SPRED1: variants seen among roughly 807,000 people sequenced by gnomAD.
SPRED1 encodes the protein sprouty related EVH1 domain containing 1.
SPRED1 carries 18 observed loss-of-function variants against 52.3 expected under a neutral mutation model. That is an observed-to-expected ratio of 0.34 (90% confidence interval 0.24 to 0.51). The LOEUF is 0.51. Ranked by LOEUF, SPRED1 falls within the 20% of genes least tolerant of loss-of-function variation. The pLI is 0.97. For synonymous variants in SPRED1, 155 were observed against 179.7 expected (o/e 0.86, Z 1.10); for missense variants, 485 against 551.0 (o/e 0.88, Z 1.20).
chr15:38,333,311 T>G (rs577363418), intron 4 of SPRED1, among the ~76,000 whole-genome samples: 1 of 152,224 alleles, frequency 6.6e-6, no homozygotes, highest in South Asian at 2.1e-4. Context: ...AGCATGTCAT[T>G]GTTGGGCAGA....
rs1264038372 is a variant in SPRED1 at position 38,355,813 on chromosome 15, TAAA to T, written c.*4153_*4155del. The T allele has an allele frequency of 6.6e-6, 1 of 152,098 alleles. No individual in the cohort carries two copies. The highest frequency in any genetic ancestry group is 2.4e-5 in the African/African-American group (1 of 41,418). 9.4% of individuals were successfully genotyped at this position (152,098 alleles called of 1,614,324 possible). ...CTAGAAACTGGCATTATTGTTGCAC[TAAA>T]AAAGTCTATAAATCATAATAGCACC... On this transcript the variant is annotated 3_prime_UTR_variant, in exon 7 of 7. Coordinates refer to ENST00000299084, the MANE Select transcript of SPRED1 (RefSeq NM_152594.3).
intron 2 of SPRED1, among the ~76,000 whole-genome samples, chr15:38,320,490 T>G (rs925723904): frequency 4.6e-5 from 7 of 152,104 alleles, no homozygotes; most frequent in African/African-American, 1.7e-4. Flanking sequence ...AGTTGCTATT[T>G]TTTTTTAAGA....
At chr15:38,286,541 G>A (rs8026186) in intron 1 of SPRED1, among the ~76,000 whole-genome samples, 1 of 149,118 alleles carries the variant, frequency 6.7e-6, no homozygotes, top group Non-Finnish European at 1.5e-5. Flanking sequence ...ATTACTTATG[G>A]CTTTTTTTTT....
At chr15:38,348,806 T>C (rs1011497189) in intron 5 of SPRED1, among the ~76,000 whole-genome samples, 20 of 152,162 alleles carry the variant, frequency 1.3e-4, no homozygotes, top group Non-Finnish European at 2.1e-4. Context: ...AACATTGATA[T>C]ATTCTAGCTA....
At chr15:38,283,504 G>A (rs1894737893) in intron 1 of SPRED1, 1 of 984,690 alleles carries the variant, frequency 1.0e-6, no homozygotes, top group Admixed American at 6.1e-5. Context: ...TAGGTGTCAG[G>A]GGCATGATGA....
At chr15:38,312,775 G>T (rs1433336243) in intron 2 of SPRED1, among the ~76,000 whole-genome samples, 5 of 151,898 alleles carry the variant, frequency 3.3e-5, no homozygotes, top group Admixed American at 6.6e-5. Context: ...CATATTCAGG[G>T]TCATAAACCT....
At chr15:38,346,246 G>C (rs781049882) in intron 5 of SPRED1, among the ~76,000 whole-genome samples, 2 of 151,692 alleles carry the variant, frequency 1.3e-5, no homozygotes, top group Non-Finnish European at 2.9e-5. Context: ...GAGCCAGGGA[G>C]GTCCAGGCCA....
intron 2 of SPRED1, 76 bp downstream of exon 2, chr15:38,299,623 G>A (rs1186434778): frequency 3.4e-6 from 5 of 1,454,140 alleles, no homozygotes; most frequent in Non-Finnish European, 3.8e-6. Flanking sequence ...GTATACTGTT[G>A]TGAGTTTTTT....
At position 38,311,698 on chromosome 15, in the gene SPRED1, A is replaced by G. The variant is rs926610107; in HGVS notation, c.208-10543A>G. Among the ~76,000 whole-genome samples, 5 of 152,302 alleles carry G rather than the reference A, an allele frequency of 3.3e-5. No individual in the cohort carries two copies. The East Asian group carries it at 9.6e-4, about 29-fold the overall frequency. ...CAATTTCTTTTAAGTTGTCTAACTT[A>G]TGAGCATAAAGTTGTTCTTAGTACC... On this transcript the variant is annotated intron_variant, in intron 2 of 6. Transcript: ENST00000299084.
intron 4 of SPRED1, among the ~76,000 whole-genome samples, chr15:38,325,372 T>C (rs1415874446): frequency 6.6e-6 from 1 of 152,210 alleles, no homozygotes; most frequent in African/African-American, 2.4e-5. Context: ...ACAAATATTC[T>C]GAAATTTGAA....
intron 3 of SPRED1, among the ~76,000 whole-genome samples, chr15:38,324,333 T>C (rs1895666102): frequency 6.6e-6 from 1 of 152,346 alleles, no homozygotes; most frequent in South Asian, 2.1e-4. Flanking sequence ...TCATTTGTTT[T>C]CCATCTTAGC....
At chr15:38,295,195 A>G (rs1406520012) in intron 1 of SPRED1, among the ~76,000 whole-genome samples, 4 of 152,204 alleles carry the variant, frequency 2.6e-5, no homozygotes, top group Admixed American at 2.6e-4. Flanking sequence ...TTATTTCATC[A>G]TTGTGCACAC....
At chr15:38,295,146 T>G (rs1895007083) in intron 1 of SPRED1, among the ~76,000 whole-genome samples, 1 of 152,224 alleles carries the variant, frequency 6.6e-6, no homozygotes, top group Non-Finnish European at 1.5e-5. Flanking sequence ...AGTCACGTGT[T>G]TTGCAATACG....
At chr15:38,339,999 TAAAC>T (rs897083319) in intron 5 of SPRED1, 104 bp downstream of exon 5, 12 of 1,427,594 alleles carry the variant, frequency 8.4e-6, no homozygotes, top group East Asian at 4.8e-5. Context: ...CCAGACACAG[TAAAC>T]AAACAAACAA....
At chr15:38,286,262 C>T (rs906120093) in intron 1 of SPRED1, among the ~76,000 whole-genome samples, 2 of 142,290 alleles carry the variant, frequency 1.4e-5, no homozygotes, top group Non-Finnish European at 3.0e-5. Flanking sequence ...TTGCAGATTG[C>T]TTCAGATTAG....
intron 1 of SPRED1, among the ~76,000 whole-genome samples, chr15:38,266,485 C>CA (rs927401666): frequency 6.6e-6 from 1 of 151,716 alleles, no homozygotes; most frequent in African/African-American, 2.4e-5. Context: ...ACTAAAAATA[C>CA]AAAAAAATTA....
chr15:38,356,325 T>A lies in SPRED1; in HGVS notation c.*4661T>A, dbSNP rs1888620332. ...TTGAGTATATAATGTAAATAATACA[T>A]TATAAGTTTGTAACCATTTCTGTTA... On this transcript the variant is annotated 3_prime_UTR_variant, in exon 7 of 7. Transcript: ENST00000299084. 1.3e-5 allele frequency: 2 copies of A among 152,146 alleles called. No individual in the cohort carries two copies. The highest frequency in any genetic ancestry group is 4.1e-4 in the South Asian group (2 of 4,830). 9.4% of individuals were successfully genotyped at this position (152,146 alleles called of 1,614,324 possible).
intron 1 of SPRED1, among the ~76,000 whole-genome samples, chr15:38,276,152 C>T (rs922312922): frequency 2.7e-5 from 4 of 150,904 alleles, no homozygotes; most frequent in African/African-American, 7.3e-5. Flanking sequence ...GGCAGTGTGC[C>T]AAACATTGCT....
At chr15:38,253,350 G>A (rs1894023132) in intron 1 of SPRED1, 133 bp downstream of exon 1, 2 of 844,684 alleles carry the variant, frequency 2.4e-6, no homozygotes, top group Admixed American at 4.0e-5. Context: ...TCTGGAGATA[G>A]CTGATTTCTT....
Sources: gnomAD v4.1 joint callset for allele counts (sites outside exome capture counted in the v4.1 genomes callset) on GRCh38, gnomAD v4.1.1 for gene constraint, MANE v1.5 for transcripts, NCBI Gene and HGNC (gene_info 2026-07-23, HGNC 2026-07-21) for gene names.